PTPRN2: variants seen among roughly 807,000 people sequenced by gnomAD.
The protein encoded by PTPRN2 is receptor-type tyrosine-protein phosphatase N2.
A neutral mutation model predicts 118.8 loss-of-function variants in PTPRN2; 74 were observed. The observed-to-expected ratio is 0.62, with a 90% CI of 0.52 to 0.76. The LOEUF is 0.76. PTPRN2 is among the 30% of genes least tolerant of loss of function. PTPRN2 has a pLI of 0.00. For missense variants in PTPRN2, 1,481 were observed against 1,394.4 expected, an observed-to-expected ratio of 1.06 and a Z score of -0.99; for synonymous variants, 641 against 608.0, an observed-to-expected ratio of 1.05 and a Z score of -0.80.
At chr7:158,144,660 G>T (rs1287094994) in intron 6 of PTPRN2, among the ~76,000 whole-genome samples, 2 of 151,994 alleles carry the variant, frequency 1.3e-5, no homozygotes, top group African/African-American at 4.8e-5. Flanking sequence ...AGGAGAAGGG[G>T]GACATCAGCA....
chr7:158,073,003 G>A (rs1398153010), intron 11 of PTPRN2, among the ~76,000 whole-genome samples: 1 of 152,136 alleles, frequency 6.6e-6, no homozygotes, highest in African/African-American at 2.4e-5. Flanking sequence ...GTGACCTGGT[G>A]CAGCTACAGG....
chr7:158,049,626 G>T (rs138293726), intron 11 of PTPRN2, among the ~76,000 whole-genome samples: 1 of 152,206 alleles, frequency 6.6e-6, no homozygotes, highest in Non-Finnish European at 1.5e-5. Context: ...GAGGCCGGGC[G>T]CAGGGGCTCA....
At chr7:158,468,575 G>T (rs1381001946) in intron 2 of PTPRN2, among the ~76,000 whole-genome samples, 6 of 152,102 alleles carry the variant, frequency 3.9e-5, no homozygotes, top group African/African-American at 9.7e-5. Context: ...GTTTCCAGGT[G>T]TTACCACCGG....
intron 12 of PTPRN2, among the ~76,000 whole-genome samples, chr7:157,686,692 C>T (rs1797212231): frequency 6.6e-6 from 1 of 152,096 alleles, no homozygotes. Flanking sequence ...TACAGTCAGG[C>T]GTTTTTGAAA....
chr7:158,391,706 G>A (rs1184907810), intron 2 of PTPRN2, among the ~76,000 whole-genome samples: 2 of 152,162 alleles, frequency 1.3e-5, no homozygotes, highest in Non-Finnish European at 2.9e-5. Context: ...GCCCTGACCA[G>A]CTGCCCAGGC....
intron 2 of PTPRN2, among the ~76,000 whole-genome samples, chr7:158,393,077 A>AG (rs1328826283): frequency 1.3e-5 from 2 of 152,172 alleles, no homozygotes; most frequent in Admixed American, 6.5e-5. Context: ...AGTCCTTTCC[A>AG]GGGGCCTCTG....
intron 5 of PTPRN2, among the ~76,000 whole-genome samples, chr7:158,184,050 A>G (rs946531447): frequency 7.5e-6 from 1 of 134,176 alleles, no homozygotes; most frequent in East Asian, 2.5e-4. Flanking sequence ...ATTTGCAAGT[A>G]TTTTTCTAAG....
intron 1 of PTPRN2, among the ~76,000 whole-genome samples, chr7:158,519,145 G>A (rs1342581686): frequency 1.3e-5 from 2 of 152,136 alleles, no homozygotes; most frequent in African/African-American, 4.8e-5. Context: ...GTACACAGGC[G>A]TCGTCACTGT....
chr7:157,721,238 C>T (rs574055334), intron 12 of PTPRN2, among the ~76,000 whole-genome samples: 98 of 152,320 alleles, frequency 6.4e-4, no homozygotes, highest in African/African-American at 2.0e-3. Flanking sequence ...ATTAGTGTTG[C>T]TCTGGGTGCT....
chr7:158,208,087 A>G (rs1461016343), intron 3 of PTPRN2, among the ~76,000 whole-genome samples: 3 of 152,200 alleles, frequency 2.0e-5, no homozygotes, highest in Admixed American at 1.3e-4. Context: ...CTAGTTGAAA[A>G]TATGCCGTCA....
At chr7:157,788,076 A>G (rs1585468522) in intron 12 of PTPRN2, among the ~76,000 whole-genome samples, 1 of 152,250 alleles carries the variant, frequency 6.6e-6, no homozygotes, top group African/African-American at 2.4e-5. Context: ...GAGAAGAACC[A>G]GTAAAAAGCA....
At chr7:158,016,878 G>T (rs1383105996) in intron 11 of PTPRN2, among the ~76,000 whole-genome samples, 1 of 152,152 alleles carries the variant, frequency 6.6e-6, no homozygotes, top group East Asian at 1.9e-4. Flanking sequence ...TAGCTACAAG[G>T]TGAAACTAAT....
chr7:158,365,853 C>CACACACAA (rs1809429998), intron 2 of PTPRN2, among the ~76,000 whole-genome samples: 1 of 147,556 alleles, frequency 6.8e-6, no homozygotes, highest in Non-Finnish European at 1.5e-5. Flanking sequence ...CACACACCCA[C>CACACACAA]ACACACACAG....
intron 11 of PTPRN2, among the ~76,000 whole-genome samples, chr7:157,983,505 C>T (rs74894296): frequency 6.6e-6 from 1 of 152,310 alleles, no homozygotes; most frequent in Admixed American, 6.5e-5. Context: ...GATCACATCC[C>T]ACCCCAGCTT....
intron 1 of PTPRN2, among the ~76,000 whole-genome samples, chr7:158,573,370 T>C (rs773962088): frequency 5.9e-5 from 9 of 152,234 alleles, no homozygotes; most frequent in Non-Finnish European, 1.2e-4. Context: ...AAAAAGATTA[T>C]GTTACTTGTG....
intron 1 of PTPRN2, among the ~76,000 whole-genome samples, chr7:158,572,975 C>T (rs1302065907): frequency 6.6e-6 from 1 of 152,180 alleles, no homozygotes; most frequent in Non-Finnish European, 1.5e-5. Context: ...CACTCCATGA[C>T]ATTTTCTAAG....
chr7:158,456,028 C>A (rs1401233823), intron 2 of PTPRN2, among the ~76,000 whole-genome samples: 1 of 147,652 alleles, frequency 6.8e-6, no homozygotes, highest in Non-Finnish European at 1.5e-5. Context: ...TGGACGCCAT[C>A]AGCCACAGCC....
At chr7:158,122,944 T>C (rs1389619558) in intron 9 of PTPRN2, among the ~76,000 whole-genome samples, 1 of 151,296 alleles carries the variant, frequency 6.6e-6, no homozygotes, top group African/African-American at 2.4e-5. Context: ...CCAGATGAAA[T>C]CAAGCCAAGA....
At chr7:158,007,483 C>T (rs1805710269) in intron 11 of PTPRN2, among the ~76,000 whole-genome samples, 1 of 152,170 alleles carries the variant, frequency 6.6e-6, no homozygotes, top group Admixed American at 6.5e-5. Flanking sequence ...GGAGGGGACC[C>T]AGACGCAGGG....
Sources: allele counts gnomAD v4.1 joint callset (sites outside exome capture counted in the v4.1 genomes callset), GRCh38; gene constraint gnomAD v4.1.1; transcripts MANE v1.5; gene names NCBI Gene and HGNC (gene_info 2026-07-23, HGNC 2026-07-21).